Variants in ZFHX3 observed in about 807,000 individuals in gnomAD.
ZFHX3 encodes the protein zinc finger homeobox 3.
A neutral mutation model predicts 279.1 loss-of-function variants in ZFHX3; 42 were observed. That is an observed-to-expected ratio of 0.15 (90% CI 0.12 to 0.19). The LOEUF is 0.19. Among genes scored for constraint, ZFHX3 ranks in the 10% least tolerant of loss-of-function variants. ZFHX3 has a pLI of 1.00. For synonymous variants in ZFHX3, 2,293 were observed against 1,957.8 expected, an observed-to-expected ratio of 1.17 and a Z score of -4.52; for missense variants, 4,981 against 4,754.0, an observed-to-expected ratio of 1.05 and a Z score of -1.40.
At chr16:73,782,199 A>T (rs1198815298) in intron 1 of ZFHX3, among the ~76,000 whole-genome samples, 1 of 152,108 alleles carries the variant, frequency 6.6e-6, no homozygotes, top group East Asian at 1.9e-4. Context: ...GACAAATGTA[A>T]ATCTTGAGAC....
chr16:73,453,317 C>A (rs1218905148), intron 3 of ZFHX3, among the ~76,000 whole-genome samples: 1 of 152,198 alleles, frequency 6.6e-6, no homozygotes, highest in African/African-American at 2.4e-5. Flanking sequence ...TGACCTGTGA[C>A]TGCTTTGTGT....
chr16:72,966,282 G>C (rs539089458), intron 1 of ZFHX3, among the ~76,000 whole-genome samples: 4 of 152,186 alleles, frequency 2.6e-5, no homozygotes, highest in Non-Finnish European at 4.4e-5. Flanking sequence ...CCATGAGTTG[G>C]AACAACAGGC....
At chr16:73,169,132 T>G (rs1301693348) in intron 5 of ZFHX3, among the ~76,000 whole-genome samples, 2 of 152,318 alleles carry the variant, frequency 1.3e-5, no homozygotes, top group East Asian at 3.9e-4. Flanking sequence ...AGACACCTAC[T>G]AAAGTTCACT....
chr16:73,868,138 C>T (rs8048310), intron 1 of ZFHX3, among the ~76,000 whole-genome samples: 10,947 of 152,244 alleles, frequency 0.072, 1,000 homozygotes, highest in African/African-American at 0.21. Flanking sequence ...GAGTTCATTT[C>T]GGCATGTGTA....
At position 72,858,460 on chromosome 16, in the gene ZFHX3, T is replaced by A. The variant is rs187797296; in HGVS notation, c.3449-28601A>T. ...ATGTCCTTCAAACAAAAGGATGAGG[T>A]GAAAATAAAGAGAGAGTCGACTGCA... On this transcript the variant is annotated intron_variant, in intron 4 of 9. Transcript: ENST00000268489. 1.5e-4 allele frequency among the ~76,000 whole-genome samples: 23 copies of A among 152,218 alleles called. No individual in the cohort carries two copies. The East Asian group carries it at 4.4e-3, about 29-fold the overall frequency.
chr16:73,423,244 A>AG (rs1567479678), intron 3 of ZFHX3, among the ~76,000 whole-genome samples: 1 of 151,148 alleles, frequency 6.6e-6, no homozygotes, highest in Non-Finnish European at 1.5e-5. Flanking sequence ...GGAAAAAAAA[A>AG]TCAGAATTCC....
chr16:73,652,330 G>A (rs2052680054), intron 2 of ZFHX3, among the ~76,000 whole-genome samples: 1 of 152,110 alleles, frequency 6.6e-6, no homozygotes, highest in South Asian at 2.1e-4. Flanking sequence ...AAAATAAGAT[G>A]AGGCTTAAAA....
chr16:73,579,033 T>C (rs1302859673), intron 2 of ZFHX3, among the ~76,000 whole-genome samples: 1 of 152,206 alleles, frequency 6.6e-6, no homozygotes, highest in Non-Finnish European at 1.5e-5. Context: ...ACAGACTCTT[T>C]ATGTCTGATA....
At chr16:73,432,510 T>A (rs1404339479) in intron 3 of ZFHX3, among the ~76,000 whole-genome samples, 1 of 152,238 alleles carries the variant, frequency 6.6e-6, no homozygotes, top group Non-Finnish European at 1.5e-5. Context: ...CTAGTTGATC[T>A]GTTCTTATCC....
chr16:73,813,211 AT>A (rs1960471374), intron 1 of ZFHX3, among the ~76,000 whole-genome samples: 1 of 147,062 alleles, frequency 6.8e-6, no homozygotes, highest in South Asian at 2.2e-4. Flanking sequence ...CAACTGTATC[AT>A]CCCTACCTCT....
intron 4 of ZFHX3, among the ~76,000 whole-genome samples, chr16:72,839,630 AC>A (rs796514539): frequency 9.9e-5 from 15 of 150,810 alleles, no homozygotes; most frequent in South Asian, 2.1e-4. Flanking sequence ...ATAAAGCCCC[AC>A]CCCCCCCAAA....
intron 2 of ZFHX3, among the ~76,000 whole-genome samples, chr16:72,956,841 A>C (rs897201761): frequency 3.3e-5 from 5 of 151,800 alleles, no homozygotes; most frequent in Non-Finnish European, 5.9e-5. Context: ...CAAAAAAAAA[A>C]ACATCTCTTT....
intron 1 of ZFHX3, among the ~76,000 whole-genome samples, chr16:73,776,904 G>C (rs1333693758): frequency 6.6e-6 from 1 of 151,854 alleles, no homozygotes; most frequent in Non-Finnish European, 1.5e-5. Flanking sequence ...TTTTTTTTAA[G>C]GAACAATATT....
chr16:73,849,922 G>A (rs1172166599), intron 1 of ZFHX3, among the ~76,000 whole-genome samples: 4 of 152,066 alleles, frequency 2.6e-5, no homozygotes, highest in African/African-American at 7.2e-5. Flanking sequence ...TAGTAGAGGC[G>A]GGGTTTCACC....
At chr16:73,105,985 C>T (rs910290992) in intron 7 of ZFHX3, among the ~76,000 whole-genome samples, 3 of 140,566 alleles carry the variant, frequency 2.1e-5, no homozygotes, top group East Asian at 2.3e-4. Context: ...CAATACCTGC[C>T]GCCCGGAACG....
At chr16:73,867,346 G>A (rs1458719844) in intron 1 of ZFHX3, among the ~76,000 whole-genome samples, 1 of 152,176 alleles carries the variant, frequency 6.6e-6, no homozygotes, top group Non-Finnish European at 1.5e-5. Flanking sequence ...CAGATCCTGA[G>A]CTGGGTTCTG....
chr16:72,918,353 T>A (rs1466124104), intron 3 of ZFHX3, among the ~76,000 whole-genome samples: 1 of 152,214 alleles, frequency 6.6e-6, no homozygotes, highest in Admixed American at 6.5e-5. Flanking sequence ...GAGGGACAAT[T>A]AGCTAAACTG....
At chr16:73,282,600 A>G (rs2014485290) in intron 4 of ZFHX3, among the ~76,000 whole-genome samples, 2 of 152,158 alleles carry the variant, frequency 1.3e-5, no homozygotes, top group African/African-American at 4.8e-5. Context: ...CTACGATTAA[A>G]TTAAGCCTTT....
At chr16:73,046,937 C>T (rs987499053) in intron 1 of ZFHX3, among the ~76,000 whole-genome samples, 3 of 152,152 alleles carry the variant, frequency 2.0e-5, no homozygotes, top group Non-Finnish European at 2.9e-5. Context: ...CACCTGCTCA[C>T]GGCTTTCACT....
Sources: gnomAD v4.1 joint callset for allele counts (sites outside exome capture counted in the v4.1 genomes callset) on GRCh38, gnomAD v4.1.1 for gene constraint, MANE v1.5 for transcripts, NCBI Gene and HGNC (gene_info 2026-07-23, HGNC 2026-07-21) for gene names.